Variants in BMPR1B observed in about 807,000 individuals in gnomAD.
BMPR1B encodes the protein bone morphogenetic protein receptor type 1B.
In BMPR1B, 12 loss-of-function variants were observed where a neutral mutation model predicts 59.1. The observed-to-expected ratio is 0.20, with a 90% CI of 0.13 to 0.33. BMPR1B has a LOEUF of 0.33. Ranked by LOEUF, BMPR1B falls within the 10% of genes least tolerant of loss-of-function variation. The pLI, the probability that BMPR1B is intolerant of heterozygous loss-of-function variation, is 1.00. For synonymous variants in BMPR1B, 237 were observed against 207.3 expected (o/e 1.14, Z -1.23); for missense variants, 550 against 610.9 (o/e 0.90, Z 1.05).
chr4:94,994,805 T>G (rs992464081), intron 2 of BMPR1B, among the ~76,000 whole-genome samples: 3 of 152,128 alleles, frequency 2.0e-5, no homozygotes, highest in Non-Finnish European at 4.4e-5. Flanking sequence ...TAAGCTTTCA[T>G]ATGAAGATGA....
intron 3 of BMPR1B, among the ~76,000 whole-genome samples, chr4:95,071,600 G>A (rs1383307099): frequency 6.8e-6 from 1 of 147,078 alleles, no homozygotes; most frequent in East Asian, 2.0e-4. Context: ...ATTGCAATCA[G>A]TAAAGCATAG....
At chr4:95,086,267 A>C (rs562282407) in intron 3 of BMPR1B, among the ~76,000 whole-genome samples, 164 of 152,224 alleles carry the variant, frequency 1.1e-3, no homozygotes, top group African/African-American at 3.8e-3. Context: ...TTTGTGTTTA[A>C]TAGAGGTTTT....
intron 1 of BMPR1B, among the ~76,000 whole-genome samples, chr4:94,789,849 T>C (rs1334871038): frequency 6.6e-6 from 1 of 152,084 alleles, no homozygotes; most frequent in Non-Finnish European, 1.5e-5. Context: ...TTAAACTGGA[T>C]GGGTTCACTG....
chr4:94,875,533 A>T (rs529201124), intron 1 of BMPR1B, among the ~76,000 whole-genome samples: 4 of 152,114 alleles, frequency 2.6e-5, no homozygotes, highest in Non-Finnish European at 5.9e-5. Flanking sequence ...AAATACAAAA[A>T]ATTAGCCATG....
intron 2 of BMPR1B, among the ~76,000 whole-genome samples, chr4:94,905,345 T>G (rs1727995188): frequency 6.6e-6 from 1 of 152,200 alleles, no homozygotes; most frequent in Admixed American, 6.5e-5. Context: ...TTGGTATTGC[T>G]TCTGTAGTGA....
intron 2 of BMPR1B, among the ~76,000 whole-genome samples, chr4:94,893,302 A>G (rs1056338743): frequency 3.3e-5 from 5 of 152,012 alleles, no homozygotes; most frequent in African/African-American, 9.7e-5. Context: ...CTTAGTGTTT[A>G]TAGTCCATCC....
At chr4:94,813,269 CAT>C (rs906629860) in intron 1 of BMPR1B, among the ~76,000 whole-genome samples, 9 of 152,092 alleles carry the variant, frequency 5.9e-5, no homozygotes, top group Non-Finnish European at 7.4e-5. Flanking sequence ...GGGTGAAAGA[CAT>C]GTGACACTTG....
rs566208155 is a variant in BMPR1B, at chr4:94,863,383, A to G, written c.-182-12448A>G. Among the ~76,000 whole-genome samples, 7 of 152,308 alleles carry G rather than the reference A, an allele frequency of 4.6e-5. No homozygotes were observed. The South Asian group carries it at 1.5e-3, about 32-fold the overall frequency. ...TAGAAATAGTGCTTCTGGCCATTTC[A>G]CCAGCCTGGAAATGGTTCTTGAGTA... is the stretch of plus-strand genomic sequence containing the variant. On this transcript the variant is annotated intron_variant, in intron 1 of 12. Transcript: ENST00000515059.
chr4:94,826,053 T>C (rs752571881), intron 1 of BMPR1B, among the ~76,000 whole-genome samples: 5 of 152,232 alleles, frequency 3.3e-5, no homozygotes, highest in Non-Finnish European at 7.3e-5. Context: ...AAAAAAAATT[T>C]TAAAATCATT....
At chr4:94,783,342 T>A (rs1217249085) in intron 1 of BMPR1B, among the ~76,000 whole-genome samples, 3 of 152,202 alleles carry the variant, frequency 2.0e-5, no homozygotes, top group Non-Finnish European at 4.4e-5. Flanking sequence ...TGGTAAACTA[T>A]CTGGCTTATA....
intron 3 of BMPR1B, among the ~76,000 whole-genome samples, chr4:95,071,662 A>G (rs1044613296): frequency 1.4e-5 from 2 of 144,686 alleles, no homozygotes; most frequent in African/African-American, 5.1e-5. Flanking sequence ...GTATATATAT[A>G]TATATATATA....
chr4:95,148,281 G>A (rs1161941797), intron 10 of BMPR1B, among the ~76,000 whole-genome samples: 1 of 152,186 alleles, frequency 6.6e-6, no homozygotes, highest in Non-Finnish European at 1.5e-5. Context: ...TTTAAAATAG[G>A]AGGGGAAGGA....
At chr4:94,976,986 G>A (rs997948807) in intron 2 of BMPR1B, among the ~76,000 whole-genome samples, 1 of 152,074 alleles carries the variant, frequency 6.6e-6, no homozygotes, top group African/African-American at 2.4e-5. Context: ...TTTTTCTTGG[G>A]AATGGAAATT....
chr4:95,005,962 C>T (rs998142558), intron 3 of BMPR1B, among the ~76,000 whole-genome samples: 34 of 152,142 alleles, frequency 2.2e-4, no homozygotes, highest in African/African-American at 7.2e-4. Context: ...CAACATGTCA[C>T]GGATATTTGT....
At chr4:95,141,473 C>A (rs548130672) in intron 10 of BMPR1B, among the ~76,000 whole-genome samples, 2 of 152,268 alleles carry the variant, frequency 1.3e-5, no homozygotes, top group Admixed American at 1.3e-4. Flanking sequence ...AGAGAGGGAG[C>A]AGACTGTGCC....
intron 1 of BMPR1B, among the ~76,000 whole-genome samples, chr4:94,767,413 C>T (rs201429449): frequency 6.6e-6 from 1 of 152,042 alleles, no homozygotes; most frequent in Non-Finnish European, 1.5e-5. Flanking sequence ...AACAAACATG[C>T]TGTTTGTTAG....
intron 3 of BMPR1B, among the ~76,000 whole-genome samples, chr4:95,077,611 A>G (rs1021398407): frequency 2.2e-4 from 33 of 152,206 alleles, no homozygotes; most frequent in African/African-American, 7.7e-4. Context: ...AGTGAATGTG[A>G]TATTTCCTAT....
rs1735550707 is a variant in BMPR1B, at chr4:95,158,260, T to C, written c.*3587T>C. The C allele has an allele frequency of 6.6e-6, 1 of 152,136 alleles. No individual in the cohort carries two copies. The highest frequency in any genetic ancestry group is 2.4e-5 in the African/African-American group (1 of 41,424). The allele number at this position is 152,136 out of a possible 1,614,324, so 9.4% of individuals were successfully genotyped here. On this transcript the variant is annotated 3_prime_UTR_variant, in exon 13 of 13. Coordinates refer to ENST00000515059, the MANE Select transcript of BMPR1B (RefSeq NM_001203.3). Reference sequence around the variant, plus strand: ...GGAGAAAAGTTGGCAATATAGGGGTTTCGTTGTCTGTTTCACAAGAAGACT... The same window carrying C: ...GGAGAAAAGTTGGCAATATAGGGGTCTCGTTGTCTGTTTCACAAGAAGACT...
intron 2 of BMPR1B, among the ~76,000 whole-genome samples, chr4:94,903,580 C>T (rs1305567102): frequency 1.3e-5 from 2 of 150,360 alleles, no homozygotes; most frequent in Non-Finnish European, 3.0e-5. Context: ...TAAAAGAATT[C>T]GGTTATGAAT....
Sources: gnomAD v4.1 joint callset for allele counts (sites outside exome capture counted in the v4.1 genomes callset) on GRCh38, gnomAD v4.1.1 for gene constraint, MANE v1.5 for transcripts, NCBI Gene and HGNC (gene_info 2026-07-23, HGNC 2026-07-21) for gene names.